The following MAST4 variants were observed in gnomAD, a reference collection of about 807,000 sequenced individuals.
MAST4 encodes the protein microtubule-associated serine/threonine-protein kinase 4.
MAST4 carries 89 observed loss-of-function variants against 162.7 expected under a neutral mutation model. The ratio of observed to expected loss-of-function variants is 0.55; its 90% CI spans 0.46 to 0.65. The LOEUF is 0.65. Ranked by LOEUF, MAST4 falls within the 30% of genes least tolerant of loss-of-function variation. The pLI, the probability that MAST4 is intolerant of heterozygous loss-of-function variation, is 0.00. For synonymous variants in MAST4, 1,479 were observed against 1,361.1 expected (o/e 1.09, Z -1.91); for missense variants, 3,153 against 3,374.0 (o/e 0.93, Z 1.62).
chr5:67,119,287 G>T (rs1307896534), intron 13 of MAST4, among the ~76,000 whole-genome samples: 1 of 152,154 alleles, frequency 6.6e-6, no homozygotes, highest in East Asian at 1.9e-4. Flanking sequence ...AAAGCAATGG[G>T]CTGGGAGGAG....
intron 4 of MAST4, chr5:66,958,799 G>A (rs570487416): frequency 6.2e-6 from 1 of 160,348 alleles, no homozygotes; most frequent in African/African-American, 2.4e-5. Flanking sequence ...CTATTCGAGA[G>A]CATCACAGGG....
chr5:67,108,818 G>A (rs979213268), intron 10 of MAST4, among the ~76,000 whole-genome samples: 1 of 151,982 alleles, frequency 6.6e-6, no homozygotes, highest in Admixed American at 6.5e-5. Flanking sequence ...ATGGGGTACG[G>A]GATTGTTCCT....
chr5:66,896,799 G>A (rs1762712783), intron 3 of MAST4, among the ~76,000 whole-genome samples: 1 of 152,170 alleles, frequency 6.6e-6, no homozygotes, highest in Non-Finnish European at 1.5e-5. Flanking sequence ...TGGGTGAAAG[G>A]AGCAGGATCA....
Position 67,033,315 on chromosome 5 carries a change from CTGTGTG to C in MAST4, c.675-21064_675-21059del, listed in dbSNP as rs146627241. ...ATTACTTTTTTGGGTTTTCATTTCT[CTGTGTG>C]TGTGTGTGTGTGTGTGTGTGTGTGG... On this transcript the variant is annotated intron_variant, in intron 4 of 28. Transcript: ENST00000403625. 6.1e-3 allele frequency among the ~76,000 whole-genome samples: 767 copies of C among 125,986 alleles called. 6 individuals carry two copies. Among genetic ancestry groups the C allele is most frequent in the Non-Finnish European group, 8.8e-3 (551 of 62,270 alleles). The allele number at this position is 125,986 out of a possible 152,430, so 82.7% of individuals were successfully genotyped here.
chr5:66,948,320 A>G (rs542215775), intron 4 of MAST4, among the ~76,000 whole-genome samples: 6 of 152,192 alleles, frequency 3.9e-5, no homozygotes, highest in Non-Finnish European at 5.9e-5. Flanking sequence ...TAGATTATCT[A>G]GAGAGGGGGA....
In MAST4 at chr5:67,054,409, G is replaced by A. The variant is rs1226140923; in HGVS notation, c.680G>A (p.Arg227Gln). The part of the protein sequence containing the change: ...LSLPRRGSFC[R>Q]TSNRKSLIGN... ...TTTTTCTTTCTTTTTGATAGTTGCC[G>A]AACAAGCAACCGGAAAAGCTTAATA... is the stretch of plus-strand genomic sequence containing the variant. Residue 227 changes from arginine to glutamine, a missense_variant, in exon 5 of 29, where the codon CGA becomes CAA. By Grantham distance (43) the Arg-to-Gln change is conservative. Around this residue, in one of 7 missense-constraint regions of MAST4, gnomAD observed 327 missense variants for 336.5 expected, o/e 0.97. Coordinates refer to ENST00000403625, the MANE Select transcript of MAST4 (RefSeq NM_001164664.2). 9 of 1,602,136 alleles carry A rather than the reference G, an allele frequency of 5.6e-6. No homozygotes were observed. Among genetic ancestry groups the A allele is most frequent in the East Asian group, 2.3e-5 (1 of 44,256 alleles).
At chr5:67,019,216 C>T (rs1753679393) in intron 4 of MAST4, among the ~76,000 whole-genome samples, 1 of 152,182 alleles carries the variant, frequency 6.6e-6, no homozygotes, top group Non-Finnish European at 1.5e-5. Context: ...GAAAGGCGTC[C>T]AGAGGCCGCT....
chr5:66,767,609 C>T (rs535967543), intron 2 of MAST4, among the ~76,000 whole-genome samples: 71 of 151,538 alleles, frequency 4.7e-4, no homozygotes, highest in Middle Eastern at 3.4e-3. Flanking sequence ...GATATATATA[C>T]ACACACACAC....
At chr5:66,764,796 G>A (rs1238716733) in intron 2 of MAST4, among the ~76,000 whole-genome samples, 2 of 152,094 alleles carry the variant, frequency 1.3e-5, no homozygotes, top group African/African-American at 4.8e-5. Flanking sequence ...AGTTACAGTA[G>A]GATAAGGTTA....
At chr5:66,946,244 G>A (rs1744015939) in intron 4 of MAST4, among the ~76,000 whole-genome samples, 3 of 152,100 alleles carry the variant, frequency 2.0e-5, no homozygotes, top group Non-Finnish European at 4.4e-5. Flanking sequence ...TCAGAGGAAG[G>A]AATATTTGGT....
intron 1 of MAST4, chr5:66,738,241 C>T (rs532906802): frequency 6.6e-6 from 1 of 152,396 alleles, no homozygotes; most frequent in Admixed American, 6.5e-5. Context: ...AGCAAGCAGT[C>T]ACTGAAGCAG....
Position 67,163,898 on chromosome 5 carries a change from G to A in MAST4, c.4719G>A (p.Glu1573=). 2 of 1,614,032 alleles carry A rather than the reference G, an allele frequency of 1.2e-6. No individual in the cohort carries two copies. Among genetic ancestry groups the A allele is most frequent in the Non-Finnish European group, 1.7e-6 (2 of 1,179,886 alleles). The change falls in exon 29 of 29, where the codon GAG becomes GAA. Residue 1573 remains glutamate (E), a synonymous_variant. Transcript: ENST00000403625. The surrounding 1 kb of genome is among the most constrained non-coding windows in gnomAD (Gnocchi z 7.0). Reference sequence around the variant, plus strand: ...CTCTGTTTAAGCTGGAAGAGAGAGAGAAGAAAGTCTATCCGAAGGCTGTGG... The same window carrying A: ...CTCTGTTTAAGCTGGAAGAGAGAGAAAAGAAAGTCTATCCGAAGGCTGTGG... ...NFALFKLEER[E]KKVYPKAVER...
chr5:67,021,435 C>T (rs1015348837), intron 4 of MAST4, among the ~76,000 whole-genome samples: 2 of 152,062 alleles, frequency 1.3e-5, no homozygotes, highest in African/African-American at 4.8e-5. Flanking sequence ...TCAAAAGCTT[C>T]TAAACACATT....
chr5:67,090,773 A>G (rs1421739064), intron 6 of MAST4, among the ~76,000 whole-genome samples: 2 of 151,972 alleles, frequency 1.3e-5, no homozygotes, highest in African/African-American at 4.8e-5. Context: ...TAGCAGGCAC[A>G]CAATGTCATG....
chr5:66,613,991 G>T (rs1341310984), intron 1 of MAST4, among the ~76,000 whole-genome samples: 1 of 152,198 alleles, frequency 6.6e-6, no homozygotes, highest in Non-Finnish European at 1.5e-5. Flanking sequence ...AATTTATAAA[G>T]CAAGGCAGCC....
rs916774200 is a variant in MAST4 at position 67,118,599 on chromosome 5, C to A, written c.1592-83C>A. 4.8e-6 allele frequency: 4 copies of A among 834,764 alleles called. No homozygotes were observed. The African/African-American group carries it at 6.9e-5, about 14-fold the overall frequency. The allele number at this position is 834,764 out of a possible 1,614,324, so 51.7% of individuals were successfully genotyped here. A position where few individuals can be genotyped will look rare whatever the true frequency, so the allele number is the denominator to read the frequency against. The stretch of plus-strand genomic sequence containing the variant: ...AGCAATTTTTTTAATATGGGAGAAA[C>A]TATTTTTCTTTTGTTTCAGCTTAGT... On this transcript the variant is annotated intron_variant, in intron 12 of 28. Transcript: ENST00000403625.
At chr5:66,947,427 A>T (rs933513890) in intron 4 of MAST4, among the ~76,000 whole-genome samples, 1 of 152,156 alleles carries the variant, frequency 6.6e-6, no homozygotes, top group Non-Finnish European at 1.5e-5. Flanking sequence ...AAGCACATCA[A>T]GTTTCAAGTC....
intron 1 of MAST4, among the ~76,000 whole-genome samples, chr5:66,735,520 A>G (rs965401243): frequency 6.7e-5 from 10 of 149,898 alleles, no homozygotes; most frequent in African/African-American, 2.5e-4. Flanking sequence ...CTAGTGTTAT[A>G]TATTATATGA....
At chr5:66,977,403 C>G (rs1402391572) in intron 4 of MAST4, among the ~76,000 whole-genome samples, 1 of 152,068 alleles carries the variant, frequency 6.6e-6, no homozygotes, top group Non-Finnish European at 1.5e-5. Context: ...GCCCGGCTAT[C>G]AGACATTTTT....
Sources: allele counts gnomAD v4.1 joint callset (sites outside exome capture counted in the v4.1 genomes callset), GRCh38; gene constraint gnomAD v4.1.1; regional missense constraint gnomAD v4.1.1; non-coding constraint Gnocchi (gnomAD v3.1); transcripts MANE v1.5; gene names NCBI Gene and HGNC (gene_info 2026-07-23, HGNC 2026-07-21).